MEI4: variants seen among roughly 807,000 people sequenced by gnomAD.
The protein encoded by MEI4 is meiosis-specific protein MEI4.
In MEI4, 27 loss-of-function variants were observed where a neutral mutation model predicts 31.4. The observed-to-expected ratio is 0.86, with a 90% CI of 0.63 to 1.19. The LOEUF is 1.19. Among genes scored for constraint, MEI4 ranks in the 50% most tolerant of loss-of-function variants. The pLI, the probability that MEI4 is intolerant of heterozygous loss-of-function variation, is 0.00. For synonymous variants in MEI4, 122 were observed against 145.4 expected (o/e 0.84, Z 1.16); for missense variants, 329 against 398.9 (o/e 0.82, Z 1.49).
chr6:77,780,068 G>A lies in MEI4; in HGVS notation c.768+18403G>A, dbSNP rs9448213. ...GTATTTCAAGGATCATTGCAGACCA[G>A]CTTGCAGGCTGACTACATGCAGGGT... On this transcript the variant is annotated intron_variant, in intron 3 of 4. Transcript: ENST00000684080. 7.0e-3 allele frequency among the ~76,000 whole-genome samples: 1,059 copies of A among 152,276 alleles called. 13 individuals are homozygous for A. Among genetic ancestry groups the A allele is most frequent in the African/African-American group, 0.024 (999 of 41,544 alleles).
chr6:77,777,588 A>T (rs1483057), intron 3 of MEI4, among the ~76,000 whole-genome samples: 199 of 152,228 alleles, frequency 1.3e-3, no homozygotes, highest in African/African-American at 4.7e-3. Context: ...AAAAAAGAGC[A>T]GCCAAATCAT....
At position 77,820,272 on chromosome 6, in the gene MEI4, G is replaced by T. The variant is rs139826150; in HGVS notation, c.769-8659G>T. Among the ~76,000 whole-genome samples, 478 of 152,080 alleles carry T rather than the reference G, an allele frequency of 3.1e-3. 2 individuals are homozygous for T. Among genetic ancestry groups the T allele is most frequent in the African/African-American group, 0.011 (463 of 41,492 alleles). On this transcript the variant is annotated intron_variant, in intron 3 of 4. Transcript: ENST00000684080. This position sits in a 1 kb window ranked among gnomAD's most constrained non-coding sequence, Gnocchi z 4.5. Reference sequence around the variant, plus strand: ...TGTTTTTGTTTTTGTTTTTGGAGATGGAGTCTCACTCTGTTGCCCAGGCTG... The same window carrying T: ...TGTTTTTGTTTTTGTTTTTGGAGATTGAGTCTCACTCTGTTGCCCAGGCTG...
intron 2 of MEI4, among the ~76,000 whole-genome samples, chr6:77,711,869 T>C (rs1561954453): frequency 6.6e-6 from 1 of 152,224 alleles, no homozygotes; most frequent in Non-Finnish European, 1.5e-5. Context: ...CATATGTGGC[T>C]TACTGAACAT....
At chr6:77,865,574 G>C (rs1771002723) in intron 4 of MEI4, among the ~76,000 whole-genome samples, 2 of 152,152 alleles carry the variant, frequency 1.3e-5, no homozygotes, top group African/African-American at 4.8e-5. Context: ...CTCTGAAATT[G>C]AGGCAATAAT....
At chr6:77,853,819 G>A (rs779254961) in intron 4 of MEI4, among the ~76,000 whole-genome samples, 3 of 152,114 alleles carry the variant, frequency 2.0e-5, no homozygotes, top group East Asian at 1.9e-4. Context: ...AAAAAATAAC[G>A]TTAGAGATCT....
chr6:77,735,813 G>T (rs1166731537), intron 2 of MEI4, among the ~76,000 whole-genome samples: 1 of 151,970 alleles, frequency 6.6e-6, no homozygotes. Context: ...TGGGTTTTTG[G>T]TGTGGATGTA....
intron 3 of MEI4, among the ~76,000 whole-genome samples, chr6:77,828,331 A>G (rs1007345292): frequency 1.3e-5 from 2 of 151,226 alleles, no homozygotes; most frequent in Non-Finnish European, 2.9e-5. Context: ...GGGAGCTAGC[A>G]TTACCTCCTG....
chr6:77,719,227 T>A (rs1766658570), intron 2 of MEI4, among the ~76,000 whole-genome samples: 1 of 139,432 alleles, frequency 7.2e-6, no homozygotes, highest in Admixed American at 7.2e-5. Flanking sequence ...CCACACATTC[T>A]TCCCAAACTA....
intron 2 of MEI4, among the ~76,000 whole-genome samples, chr6:77,743,328 G>A (rs945612310): frequency 3.0e-4 from 46 of 152,056 alleles, no homozygotes; most frequent in Admixed American, 1.3e-4. Context: ...CCTTGAAGAG[G>A]TCCTTCACAT....
At chr6:77,745,614 G>A (rs1025030272) in intron 2 of MEI4, among the ~76,000 whole-genome samples, 89 of 152,232 alleles carry the variant, frequency 5.8e-4, no homozygotes, top group Middle Eastern at 3.4e-3. Flanking sequence ...TCTGCACCAA[G>A]CAGACATAAT....
chr6:77,835,813 A>G (rs1770206767), intron 4 of MEI4, among the ~76,000 whole-genome samples: 1 of 152,094 alleles, frequency 6.6e-6, no homozygotes, highest in Admixed American at 6.5e-5. Flanking sequence ...TAAAATGAGT[A>G]TTTGATAATA....
Position 77,802,927 on chromosome 6 carries a change from G to C in MEI4, c.769-26004G>C, listed in dbSNP as rs1050513600. 3.9e-5 allele frequency among the ~76,000 whole-genome samples: 6 copies of C among 152,144 alleles called. No homozygotes were observed. In the East Asian group the frequency reaches 1.2e-3, roughly 29 times the overall value. On this transcript the variant is annotated intron_variant, in intron 3 of 4. Transcript: ENST00000684080. ...ACATTTTTTCCTTCATTTCAACTTT[G>C]GTGAATCTTACAATTATGTGTCTTG...
chr6:77,798,203 TACATTTG>T lies in MEI4; in HGVS notation c.769-30726_769-30720del, dbSNP rs780880567. 4.8e-3 allele frequency among the ~76,000 whole-genome samples: 733 copies of T among 151,718 alleles called. 2 individuals carry two copies. Among genetic ancestry groups the T allele is most frequent in the Middle Eastern group, 6.8e-3 (2 of 294 alleles). On this transcript the variant is annotated intron_variant, in intron 3 of 4. Transcript: ENST00000684080. Reference sequence around the variant, plus strand: ...AATCAACAGGTAAATATAAAATGTATACATTTGATGCAAAAAAGGTAGTAAAGAAGGA... The same window carrying T: ...AATCAACAGGTAAATATAAAATGTATATGCAAAAAAGGTAGTAAAGAAGGA...
chr6:77,845,312 T>A lies in MEI4; in HGVS notation c.900+16250T>A, dbSNP rs534102277. On this transcript the variant is annotated intron_variant, in intron 4 of 4. Coordinates refer to ENST00000684080, the MANE Select transcript of MEI4 (RefSeq NM_001322247.2). ...TATTGTTTCCAACTTCCAAAGATAA[T>A]CCTTATTTTTCAGAGAGTTCTCTTT... Among the ~76,000 whole-genome samples the A allele has an allele frequency of 2.0e-5, 3 of 152,292 alleles. No homozygotes were observed. In the South Asian group the frequency reaches 6.2e-4, roughly 32 times the overall value.
chr6:77,779,555 C>T (rs936724573), intron 3 of MEI4, among the ~76,000 whole-genome samples: 1 of 152,144 alleles, frequency 6.6e-6, no homozygotes, highest in South Asian at 2.1e-4. Flanking sequence ...TAAAAGTTAT[C>T]ATATTTGCAT....
chr6:77,675,253 C>A (rs1768820030), intron 1 of MEI4, among the ~76,000 whole-genome samples: 1 of 152,046 alleles, frequency 6.6e-6, no homozygotes, highest in African/African-American at 2.4e-5. Flanking sequence ...TATAGGTACT[C>A]TTTAGATACT....
intron 3 of MEI4, among the ~76,000 whole-genome samples, chr6:77,768,530 T>C (rs985608761): frequency 7.2e-5 from 11 of 152,104 alleles, no homozygotes; most frequent in Non-Finnish European, 1.5e-4. Context: ...GAAAACCCTG[T>C]CTCTACTAAA....
rs138269433 is a variant in MEI4, at chr6:77,765,631, A to G, written c.768+3966A>G. On this transcript the variant is annotated intron_variant, in intron 3 of 4. Transcript: ENST00000684080. ...AACCATTGTGGAAGACAGTGTGGCA[A>G]TTCCTCAGGGATCTAGAACTAGAAA... Among the ~76,000 whole-genome samples the G allele has an allele frequency of 9.8e-3, 1,394 of 141,884 alleles. 40 individuals are homozygous for G. Among genetic ancestry groups the G allele is most frequent in the African/African-American group, 0.035 (1,295 of 37,508 alleles). The allele number at this position is 141,884 out of a possible 152,430, so 93.1% of individuals were successfully genotyped here. A position where few individuals can be genotyped will look rare whatever the true frequency, so the allele number is the denominator to read the frequency against.
intron 2 of MEI4, among the ~76,000 whole-genome samples, chr6:77,739,832 C>A (rs1250147063): frequency 6.6e-6 from 1 of 151,502 alleles, no homozygotes; most frequent in African/African-American, 2.4e-5. Context: ...TATTTCTTGT[C>A]TTCTGCTAGC....
Sources: allele counts gnomAD v4.1 joint callset (sites outside exome capture counted in the v4.1 genomes callset), GRCh38; gene constraint gnomAD v4.1.1; non-coding constraint Gnocchi (gnomAD v3.1); transcripts MANE v1.5; gene names NCBI Gene and HGNC (gene_info 2026-07-23, HGNC 2026-07-21).